Variants in ARHGAP26 observed in about 807,000 individuals in gnomAD.
ARHGAP26 encodes rho GTPase-activating protein 26.
Under a neutral mutation model 104.8 loss-of-function variants are expected in ARHGAP26, and 38 were observed. That is an observed-to-expected ratio of 0.36 (90% CI 0.28 to 0.48). The LOEUF is 0.48. Among genes scored for constraint, ARHGAP26 ranks in the 20% least tolerant of loss-of-function variants. The pLI, the probability that ARHGAP26 is intolerant of heterozygous loss-of-function variation, is 0.99. For missense variants in ARHGAP26, 704 were observed against 947.9 expected (o/e 0.74, Z 3.38); for synonymous variants, 341 against 340.0 (o/e 1.00, Z -0.03).
chr5:142,861,191 G>C (rs1261365250), intron 1 of ARHGAP26, among the ~76,000 whole-genome samples: 1 of 152,118 alleles, frequency 6.6e-6, no homozygotes, highest in Middle Eastern at 3.4e-3. Context: ...TATGAGGAGG[G>C]TAAGTGTTTG....
At chr5:142,873,286 C>T in intron 1 of ARHGAP26, 114 bp from the exon 2 acceptor site, 1 of 692,822 alleles carries the variant, frequency 1.4e-6, no homozygotes, top group Non-Finnish European at 2.4e-6. Context: ...TTGAAATGGA[C>T]TCAGGAACAA....
chr5:143,035,663 C>T (rs183278518), intron 12 of ARHGAP26, among the ~76,000 whole-genome samples: 93 of 152,156 alleles, frequency 6.1e-4, no homozygotes, highest in African/African-American at 1.6e-3. Context: ...AGGCCAGGTG[C>T]GGTGGCTCAC....
At chr5:142,804,323 T>A (rs1762589674) in intron 1 of ARHGAP26, among the ~76,000 whole-genome samples, 1 of 152,158 alleles carries the variant, frequency 6.6e-6, no homozygotes, top group South Asian at 2.1e-4. Context: ...CGAGGCTGAC[T>A]AGGGTGAATG....
rs989365937 is a variant in ARHGAP26 at position 143,222,432 on chromosome 5, G to A, written c.2266G>A (p.Val756Met). The A allele has an allele frequency of 8.8e-6, 14 of 1,597,694 alleles. No homozygotes were observed. Among genetic ancestry groups the A allele is most frequent in the East Asian group, 4.5e-5 (2 of 44,692 alleles). Residue 756 changes from valine (V) to methionine (M), a missense_variant, in exon 23 of 23, where the codon GTG becomes ATG. Physicochemically the swap from Val to Met is conservative, Grantham distance 21 (BLOSUM62 1). Transcript: ENST00000645722. The part of the protein sequence containing the change: ...GKTGLIPENY[V>M]EFL ...GACTGGCCTCATCCCTGAGAATTAC[G>A]TGGAGTTCCTCTAACCGTGGGCCCC...
At chr5:143,140,070 G>A (rs1798336246) in intron 19 of ARHGAP26, among the ~76,000 whole-genome samples, 2 of 152,282 alleles carry the variant, frequency 1.3e-5, no homozygotes, top group Admixed American at 1.3e-4. Flanking sequence ...AATCTTGTAG[G>A]GAGCTTGTTA....
At chr5:142,960,181 G>A (rs1430507315) in intron 11 of ARHGAP26, among the ~76,000 whole-genome samples, 1 of 152,236 alleles carries the variant, frequency 6.6e-6, no homozygotes, top group Non-Finnish European at 1.5e-5. Context: ...TACTATAAAA[G>A]CACAGTGATC....
At chr5:142,991,097 G>A (rs569864291) in intron 11 of ARHGAP26, among the ~76,000 whole-genome samples, 8 of 152,292 alleles carry the variant, frequency 5.3e-5, no homozygotes, top group African/African-American at 1.9e-4. Context: ...TCCTTGTGCT[G>A]CGGTGGGCTC....
intron 17 of ARHGAP26, among the ~76,000 whole-genome samples, chr5:143,113,711 C>G (rs867665793): frequency 7.2e-5 from 11 of 152,212 alleles, no homozygotes; most frequent in African/African-American, 2.7e-4. Flanking sequence ...CAGTATCACT[C>G]CCACAGGCAT....
At chr5:142,880,157 A>G (rs1403650582) in intron 4 of ARHGAP26, among the ~76,000 whole-genome samples, 1 of 152,172 alleles carries the variant, frequency 6.6e-6, no homozygotes, top group African/African-American at 2.4e-5. Context: ...TGTGTTCTTG[A>G]GAGACTGCAA....
At chr5:143,109,735 C>T (rs377294854) in intron 17 of ARHGAP26, among the ~76,000 whole-genome samples, 42 of 152,226 alleles carry the variant, frequency 2.8e-4, no homozygotes, top group African/African-American at 9.9e-4. Context: ...CCGCCACACC[C>T]GGCCATATCT....
At chr5:142,854,081 A>C (rs966780819) in intron 1 of ARHGAP26, among the ~76,000 whole-genome samples, 2 of 152,180 alleles carry the variant, frequency 1.3e-5, no homozygotes, top group Admixed American at 1.3e-4. Context: ...TGGGGAAATT[A>C]TTATGTTTTT....
chr5:143,074,478 A>G (rs530882268), intron 17 of ARHGAP26, among the ~76,000 whole-genome samples: 1 of 152,308 alleles, frequency 6.6e-6, no homozygotes, highest in East Asian at 1.9e-4. Context: ...TAAGCTAATA[A>G]TTTTTCTTAA....
chr5:142,854,556 A>G lies in ARHGAP26; in HGVS notation c.155-18844A>G, dbSNP rs555773383. On this transcript the variant is annotated intron_variant, in intron 1 of 22. Transcript: ENST00000645722. ...GTGAGCCTATTGCCAGAATAAATATATGACACTGTTATAATATATGGCCCT... is the reference window on the plus strand; with the variant it reads ...GTGAGCCTATTGCCAGAATAAATATGTGACACTGTTATAATATATGGCCCT... Among the ~76,000 whole-genome samples the G allele has an allele frequency of 1.8e-4, 27 of 152,358 alleles. No individual in the cohort carries two copies. The South Asian group carries it at 5.4e-3, about 30-fold the overall frequency.
At chr5:142,797,576 G>T (rs1275329517) in intron 1 of ARHGAP26, among the ~76,000 whole-genome samples, 1 of 152,172 alleles carries the variant, frequency 6.6e-6, no homozygotes, top group Non-Finnish European at 1.5e-5. Flanking sequence ...GGTTGCTTTT[G>T]TTGTGTTGAC....
chr5:143,191,249 CTGT>C (rs1805884819), intron 20 of ARHGAP26, among the ~76,000 whole-genome samples: 1 of 152,200 alleles, frequency 6.6e-6, no homozygotes, highest in Non-Finnish European at 1.5e-5. Flanking sequence ...ATGTTGATAA[CTGT>C]TGTTGTTTTT....
At chr5:143,080,893 A>C (rs1246850188) in intron 17 of ARHGAP26, among the ~76,000 whole-genome samples, 1 of 152,038 alleles carries the variant, frequency 6.6e-6, no homozygotes, top group Non-Finnish European at 1.5e-5. Context: ...CAGATGAAAG[A>C]CACTGGGGCC....
At chr5:143,062,839 A>G (rs185087932) in intron 17 of ARHGAP26, among the ~76,000 whole-genome samples, 1 of 152,376 alleles carries the variant, frequency 6.6e-6, no homozygotes, top group African/African-American at 2.4e-5. Context: ...CTAGAAGATA[A>G]GATTTAACTT....
At chr5:142,804,866 C>T (rs1384941446) in intron 1 of ARHGAP26, among the ~76,000 whole-genome samples, 1 of 152,166 alleles carries the variant, frequency 6.6e-6, no homozygotes, top group East Asian at 1.9e-4. Context: ...ATTCTGCTCT[C>T]ACCATCATGC....
intron 20 of ARHGAP26, among the ~76,000 whole-genome samples, chr5:143,195,481 C>G (rs1279442119): frequency 6.6e-6 from 1 of 152,150 alleles, no homozygotes; most frequent in Non-Finnish European, 1.5e-5. Flanking sequence ...TGCCAGAGAG[C>G]CAATGCCCCT....
Sources: allele counts gnomAD v4.1 joint callset (sites outside exome capture counted in the v4.1 genomes callset), GRCh38; gene constraint gnomAD v4.1.1; transcripts MANE v1.5; gene names NCBI Gene and HGNC (gene_info 2026-07-23, HGNC 2026-07-21).